Variants in NRXN1 observed in about 807,000 individuals in gnomAD.
The protein encoded by NRXN1 is neurexin 1, also known as neurexin-1.
Under a neutral mutation model 150.9 loss-of-function variants are expected in NRXN1, and 39 were observed. That is an observed-to-expected ratio of 0.26 (90% CI 0.20 to 0.34). The LOEUF is 0.34. Among genes scored for constraint, NRXN1 ranks in the 10% least tolerant of loss-of-function variants. The pLI is 1.00. For missense variants in NRXN1, 1,815 were observed against 1,949.9 expected (o/e 0.93, Z 1.30); for synonymous variants, 924 against 757.0 (o/e 1.22, Z -3.62).
At chr2:50,571,700 G>A (rs1670685219) in intron 8 of NRXN1, among the ~76,000 whole-genome samples, 1 of 151,982 alleles carries the variant, frequency 6.6e-6, no homozygotes. Flanking sequence ...AACATTAGAT[G>A]GGAGGTGCCT....
chr2:50,564,521 AT>A (rs934377809), intron 8 of NRXN1, among the ~76,000 whole-genome samples: 1 of 152,148 alleles, frequency 6.6e-6, no homozygotes, highest in African/African-American at 2.4e-5. Context: ...TTAAAGTAAT[AT>A]TTTTTATTTT....
At chr2:50,505,302 C>A (rs1433652269) in intron 13 of NRXN1, among the ~76,000 whole-genome samples, 1 of 152,118 alleles carries the variant, frequency 6.6e-6, no homozygotes, top group East Asian at 1.9e-4. Context: ...ATTCACTTAT[C>A]CTCTTCGAGT....
intron 5 of NRXN1, among the ~76,000 whole-genome samples, chr2:50,864,022 T>C (rs150586822): frequency 1.8e-3 from 271 of 152,118 alleles, no homozygotes; most frequent in African/African-American, 6.3e-3. Flanking sequence ...TAATGGTGTG[T>C]AAACAGCAGG....
intron 9 of NRXN1, among the ~76,000 whole-genome samples, chr2:50,542,946 T>A (rs184029043): frequency 2.6e-5 from 4 of 152,280 alleles, no homozygotes; most frequent in Admixed American, 2.6e-4. Context: ...GCTTATTTTA[T>A]TAAAATTGAG....
At chr2:50,653,976 C>CTTT (rs35931647) in intron 5 of NRXN1, among the ~76,000 whole-genome samples, 6 of 127,408 alleles carry the variant, frequency 4.7e-5, no homozygotes, top group Non-Finnish European at 6.5e-5. Flanking sequence ...GCCTTTTCAT[C>CTTT]TTTTTTTTTT....
At chr2:49,940,933 A>G (rs1171363444) in intron 22 of NRXN1, among the ~76,000 whole-genome samples, 1 of 152,174 alleles carries the variant, frequency 6.6e-6, no homozygotes, top group African/African-American at 2.4e-5. Context: ...TTGAAAACTG[A>G]AGAGTGAGGA....
At chr2:50,179,406 A>G (rs368263152) in intron 18 of NRXN1, among the ~76,000 whole-genome samples, 1 of 152,120 alleles carries the variant, frequency 6.6e-6, no homozygotes, top group South Asian at 2.1e-4. Flanking sequence ...TTTTGTCCTT[A>G]TGCCCTGAGG....
intron 17 of NRXN1, among the ~76,000 whole-genome samples, chr2:50,464,779 C>A (rs77032868): frequency 0.016 from 2,474 of 151,984 alleles, 68 homozygotes; most frequent in African/African-American, 0.056. Context: ...AGACACAGAA[C>A]TTCATCTTAT....
At chr2:50,260,300 A>G (rs1484741926) in intron 17 of NRXN1, among the ~76,000 whole-genome samples, 1 of 151,890 alleles carries the variant, frequency 6.6e-6, no homozygotes, top group Non-Finnish European at 1.5e-5. Context: ...TGTCAGAACA[A>G]GACATTTGCT....
chr2:50,311,278 G>C (rs1015495182), intron 17 of NRXN1, among the ~76,000 whole-genome samples: 44 of 152,072 alleles, frequency 2.9e-4, no homozygotes, highest in South Asian at 2.1e-4. Flanking sequence ...AAATATCACA[G>C]AAAAGCATGC....
intron 2 of NRXN1, among the ~76,000 whole-genome samples, chr2:50,960,043 C>G (rs887154218): frequency 6.6e-6 from 1 of 151,958 alleles, no homozygotes; most frequent in South Asian, 2.1e-4. Context: ...CAAAGTACTA[C>G]TTTGACTCTT....
At chr2:50,469,336 A>C (rs1479415928) in intron 16 of NRXN1, among the ~76,000 whole-genome samples, 1 of 151,718 alleles carries the variant, frequency 6.6e-6, no homozygotes, top group Non-Finnish European at 1.5e-5. Context: ...CCCTGAAATA[A>C]ATTAGAAATA....
chr2:50,168,244 A>G (rs577063220), intron 18 of NRXN1, among the ~76,000 whole-genome samples: 1 of 152,172 alleles, frequency 6.6e-6, no homozygotes, highest in Non-Finnish European at 1.5e-5. Flanking sequence ...GACTGTGGAA[A>G]ATTAATAGTT....
Position 50,688,383 on chromosome 2 carries a change from C to G in NRXN1, c.833-64768G>C, listed in dbSNP as rs556978128. Among the ~76,000 whole-genome samples, 7 of 152,190 alleles carry G rather than the reference C, an allele frequency of 4.6e-5. No homozygotes were observed. The East Asian group carries it at 1.2e-3, about 25-fold the overall frequency. ...TTCATGGCCTAGCAACAAATAGAAC[C>G]CTCCCTACAGAGCCCTCCTTATATA... On this transcript the variant is annotated intron_variant, in intron 5 of 22. Transcript: ENST00000401669.
At chr2:50,140,500 C>T (rs1558960616) in intron 18 of NRXN1, among the ~76,000 whole-genome samples, 1 of 152,006 alleles carries the variant, frequency 6.6e-6, no homozygotes, top group Non-Finnish European at 1.5e-5. Context: ...ATCACAAAGT[C>T]CAGTGACTAC....
At chr2:50,597,396 C>A (rs1675421533) in intron 8 of NRXN1, among the ~76,000 whole-genome samples, 1 of 152,204 alleles carries the variant, frequency 6.6e-6, no homozygotes, top group African/African-American at 2.4e-5. Context: ...AAGGCCCCCT[C>A]TCAAGCTGTT....
At chr2:50,279,094 C>G (rs773957414) in intron 17 of NRXN1, among the ~76,000 whole-genome samples, 4 of 152,090 alleles carry the variant, frequency 2.6e-5, no homozygotes, top group Non-Finnish European at 5.9e-5. Context: ...AGGGACTATC[C>G]TATTTTGTGG....
rs1401637188 is a variant in NRXN1 at position 49,921,199 on chromosome 2, C to T, written c.*745G>A. ...CACACAGAGATGGATTTTATATAAA[C>T]ATATGTAATAACATAATAAGCGTGC... On this transcript the variant is annotated 3_prime_UTR_variant, in exon 23 of 23. Coordinates refer to ENST00000401669, the MANE Select transcript of NRXN1 (RefSeq NM_001330078.2). The T allele has an allele frequency of 1.3e-5, 2 of 152,610 alleles. No individual in the cohort carries two copies. Among genetic ancestry groups the T allele is most frequent in the African/African-American group, 4.8e-5 (2 of 41,440 alleles). 9.5% of individuals were successfully genotyped at this position (152,610 alleles called of 1,614,324 possible). A position where few individuals can be genotyped will look rare whatever the true frequency, so the allele number is the denominator to read the frequency against.
At chr2:50,574,069 G>C (rs1671050625) in intron 8 of NRXN1, among the ~76,000 whole-genome samples, 1 of 151,946 alleles carries the variant, frequency 6.6e-6, no homozygotes. Flanking sequence ...TTTTTCCCAG[G>C]ACTGGGTTTT....
Sources: gnomAD v4.1 joint callset for allele counts (sites outside exome capture counted in the v4.1 genomes callset) on GRCh38, gnomAD v4.1.1 for gene constraint, MANE v1.5 for transcripts, NCBI Gene and HGNC (gene_info 2026-07-23, HGNC 2026-07-21) for gene names.